Variants in PADI1 observed in about 807,000 individuals in gnomAD.
PADI1 encodes peptidyl arginine deiminase 1.
In PADI1, 65 loss-of-function variants were observed where a neutral mutation model predicts 74.8. The observed-to-expected ratio is 0.87, with a 90% confidence interval of 0.71 to 1.07. PADI1 has a LOEUF of 1.07. Ranked by LOEUF, PADI1 falls within the 50% of genes least tolerant of loss-of-function variation. The probability of loss-of-function intolerance (pLI) is 0.00; values close to 1 mark genes in which losing one functional copy is unlikely to be tolerated. For missense variants in PADI1, 943 were observed against 854.0 expected (o/e 1.10, Z -1.30); for synonymous variants, 371 against 336.2 (o/e 1.10, Z -1.13).
chr1:17,229,124 G>A, intron 8 of PADI1, 73 bp downstream of exon 8: 1 of 915,700 alleles, frequency 1.1e-6, no homozygotes, highest in East Asian at 2.6e-5. Flanking sequence ...CCTCAGGGCT[G>A]CGCCCCTCAC....
chr1:17,232,234 C>G (rs2072509065), intron 10 of PADI1, among the ~76,000 whole-genome samples: 1 of 152,174 alleles, frequency 6.6e-6, no homozygotes, highest in Admixed American at 6.5e-5. Context: ...GTGTGAGCCA[C>G]CACGCCTGGC....
chr1:17,210,138 C>T (rs886728108), intron 1 of PADI1, among the ~76,000 whole-genome samples: 3 of 152,168 alleles, frequency 2.0e-5, no homozygotes, highest in Non-Finnish European at 4.4e-5. Flanking sequence ...TCTCACCCTG[C>T]CTAAGTTTTT....
chr1:17,213,546 C>A (rs2071889809), intron 1 of PADI1, among the ~76,000 whole-genome samples: 2 of 152,218 alleles, frequency 1.3e-5, no homozygotes, highest in African/African-American at 4.8e-5. Flanking sequence ...TTCCTTTACA[C>A]ACAGCTGTCC....
chr1:17,210,675 C>T (rs2071811075), intron 1 of PADI1, among the ~76,000 whole-genome samples: 1 of 152,148 alleles, frequency 6.6e-6, no homozygotes, highest in South Asian at 2.1e-4. Flanking sequence ...ACAGCCACAT[C>T]ATGTGTGATT....
chr1:17,214,698 G>A (rs914022669), intron 1 of PADI1, among the ~76,000 whole-genome samples: 4 of 152,206 alleles, frequency 2.6e-5, no homozygotes, highest in African/African-American at 4.8e-5. Flanking sequence ...ACTGCAGGGT[G>A]GCCTGGGGCT....
At chr1:17,224,572 A>C in intron 4 of PADI1, 144 bp downstream of exon 4, 1 of 685,008 alleles carries the variant, frequency 1.5e-6, no homozygotes, top group Non-Finnish European at 2.6e-6. Flanking sequence ...CATCTGGGAC[A>C]GCAAAATTGG....
intron 15 of PADI1, among the ~76,000 whole-genome samples, chr1:17,242,907 C>T (rs2072806434): frequency 6.6e-6 from 1 of 152,176 alleles, no homozygotes; most frequent in Non-Finnish European, 1.5e-5. Flanking sequence ...ACTCCCACCC[C>T]AGCATGTTCT....
intron 2 of PADI1, chr1:17,223,399 C>G: frequency 1.8e-6 from 1 of 561,390 alleles, no homozygotes; most frequent in Non-Finnish European, 3.2e-6. Flanking sequence ...CCTTGCTCCT[C>G]ACACCTGCTC....
intron 14 of PADI1, chr1:17,240,402 A>C: frequency 2.3e-6 from 1 of 426,792 alleles, no homozygotes; most frequent in African/African-American, 2.0e-5. Context: ...TGCATCCAGA[A>C]ACTGCCTGGG....
chr1:17,229,272 C>T (rs1421998397), intron 8 of PADI1, among the ~76,000 whole-genome samples: 2 of 151,950 alleles, frequency 1.3e-5, no homozygotes, highest in Admixed American at 1.3e-4. Flanking sequence ...AGGTCACTGG[C>T]TCAAGCTCTG....
intron 11 of PADI1, 24 bp downstream of exon 11, chr1:17,232,994 G>C (rs1453023844): frequency 1.3e-6 from 2 of 1,577,520 alleles, no homozygotes; most frequent in East Asian, 4.6e-5. Flanking sequence ...GCGGGAGGTG[G>C]GGAGGCACAA....
rs2072299168 is a variant in PADI1, at chr1:17,226,017, G to A, written c.527-16G>A. ...GGGTGGAGAAAGGGCGATCTCAAGA[G>A]GGCCACTCTCTCCAGACCTGCAGGA... On this transcript the variant is annotated splice_polypyrimidine_tract_variant and intron_variant, in intron 5 of 15. Coordinates refer to ENST00000375471, the MANE Select transcript of PADI1 (RefSeq NM_013358.3). 1 of 1,613,894 alleles carries A rather than the reference G, an allele frequency of 6.2e-7. No individual in the cohort carries two copies. Among genetic ancestry groups the A allele is most frequent in the Non-Finnish European group, 8.5e-7 (1 of 1,179,806 alleles).
At chr1:17,222,572 C>T (rs2072188479) in intron 2 of PADI1, 102 bp downstream of exon 2, 4 of 876,928 alleles carry the variant, frequency 4.6e-6, no homozygotes, top group Non-Finnish European at 7.4e-6. Context: ...CCCCACTTAA[C>T]CAAACCTCAC....
Position 17,230,683 on chromosome 1 carries a change from C to G in PADI1, c.1161+4C>G, listed in dbSNP as rs2977235. 17 of 1,560,486 alleles carry G rather than the reference C, an allele frequency of 1.1e-5. No homozygotes were observed. Among genetic ancestry groups the G allele is most frequent in the Admixed American group, 1.7e-5 (1 of 58,848 alleles). The stretch of plus-strand genomic sequence containing the variant: ...TTTCCCCTATAAGAGGATCCTGGTA[C>G]GTAGCGACAGGTAGAGTGCAGAAAC... On this transcript the variant is annotated splice_donor_region_variant and intron_variant, in intron 10 of 15. Transcript: ENST00000375471.
intron 1 of PADI1, among the ~76,000 whole-genome samples, chr1:17,220,833 G>C (rs756513387): frequency 6.6e-6 from 1 of 152,220 alleles, no homozygotes; most frequent in Admixed American, 6.5e-5. Context: ...TTATGCAGGG[G>C]ATGAAGAAGA....
chr1:17,213,573 TC>T (rs2071890684), intron 1 of PADI1, among the ~76,000 whole-genome samples: 1 of 152,218 alleles, frequency 6.6e-6, no homozygotes, highest in African/African-American at 2.4e-5. Context: ...ATTCTTTTAC[TC>T]CTGCATTACC....
chr1:17,210,527 G>T (rs2071807017), intron 1 of PADI1, among the ~76,000 whole-genome samples: 1 of 152,030 alleles, frequency 6.6e-6, no homozygotes, highest in African/African-American at 2.4e-5. Context: ...TTCCTGGCTG[G>T]GCAGAGCTCC....
At chr1:17,239,948 G>C in intron 14 of PADI1, 165 bp downstream of exon 14, 1 of 617,196 alleles carries the variant, frequency 1.6e-6, no homozygotes, top group Non-Finnish European at 2.9e-6. Flanking sequence ...GGAACCCACA[G>C]TCTGATGGAA....
At chr1:17,205,845 G>A (rs947750076) in intron 1 of PADI1, among the ~76,000 whole-genome samples, 40 of 152,284 alleles carry the variant, frequency 2.6e-4, no homozygotes, top group African/African-American at 8.9e-4. Context: ...GGAGCAAGAC[G>A]GCTGGGACTT....
Sources: allele counts gnomAD v4.1 joint callset (sites outside exome capture counted in the v4.1 genomes callset), GRCh38; gene constraint gnomAD v4.1.1; transcripts MANE v1.5; gene names NCBI Gene and HGNC (gene_info 2026-07-23, HGNC 2026-07-21).